The following ASXL3 variants were observed in gnomAD, a reference collection of about 807,000 sequenced individuals.
ASXL3 encodes the protein ASXL transcriptional regulator 3.
Under a neutral mutation model 170.6 loss-of-function variants are expected in ASXL3, and 34 were observed. The ratio of observed to expected loss-of-function variants is 0.20; its 90% CI spans 0.15 to 0.27. The LOEUF (loss-of-function observed/expected upper bound fraction) is 0.27. Among genes scored for constraint, ASXL3 ranks in the 10% least tolerant of loss-of-function variants. The pLI, the probability that ASXL3 is intolerant of heterozygous loss-of-function variation, is 1.00. For missense variants in ASXL3, 2,592 were observed against 2,695.3 expected, an observed-to-expected ratio of 0.96 and a Z score of 0.85; for synonymous variants, 1,002 against 989.1, an observed-to-expected ratio of 1.01 and a Z score of -0.24.
At chr18:33,683,754 C>A in intron 8 of ASXL3, 186 bp downstream of exon 8, 5 of 549,356 alleles carry the variant, frequency 9.1e-6, no homozygotes, top group African/African-American at 2.0e-5. Flanking sequence ...TAATAGTGAG[C>A]CAATTCAAAT....
chr18:33,591,551 A>G (rs894304776), intron 1 of ASXL3, among the ~76,000 whole-genome samples: 2 of 152,208 alleles, frequency 1.3e-5, no homozygotes, highest in Admixed American at 6.5e-5. Flanking sequence ...GTAACTAAAT[A>G]GGAATAGATG....
intron 8 of ASXL3, among the ~76,000 whole-genome samples, chr18:33,701,460 T>G (rs2066873007): frequency 1.3e-5 from 2 of 152,138 alleles, no homozygotes; most frequent in Admixed American, 6.6e-5. Flanking sequence ...GATCTTTAAC[T>G]TCTTTCAACA....
At chr18:33,646,751 C>T (rs991028715) in intron 4 of ASXL3, among the ~76,000 whole-genome samples, 2 of 151,006 alleles carry the variant, frequency 1.3e-5, no homozygotes, top group Admixed American at 6.6e-5. Flanking sequence ...CAGCTTTGTT[C>T]CTTGGTTTGT....
chr18:33,668,907 C>CAT (rs71266912), intron 5 of ASXL3, among the ~76,000 whole-genome samples: 1,869 of 151,800 alleles, frequency 0.012, 33 homozygotes, highest in African/African-American at 0.042. Flanking sequence ...CACACACACA[C>CAT]ACCACACACA....
At chr18:33,732,248 A>G (rs1190375567) in intron 9 of ASXL3, among the ~76,000 whole-genome samples, 184 bp downstream of exon 9, 2 of 152,196 alleles carry the variant, frequency 1.3e-5, no homozygotes, top group Non-Finnish European at 2.9e-5. Context: ...TTGATGTCAG[A>G]TATTTTTGAA....
chr18:33,628,286 G>A (rs2065629539), intron 2 of ASXL3, among the ~76,000 whole-genome samples: 2 of 151,962 alleles, frequency 1.3e-5, no homozygotes, highest in East Asian at 1.9e-4. Context: ...CAGTATTTCC[G>A]TCACTGTGGG....
At chr18:33,587,710 A>G (rs1013450284) in intron 1 of ASXL3, among the ~76,000 whole-genome samples, 1 of 152,096 alleles carries the variant, frequency 6.6e-6, no homozygotes, top group Non-Finnish European at 1.5e-5. Flanking sequence ...AAGATTGGGT[A>G]CAAAAATAAT....
intron 2 of ASXL3, chr18:33,614,693 G>A (rs981591449): frequency 5.3e-5 from 8 of 152,188 alleles, no homozygotes; most frequent in Non-Finnish European, 7.4e-5. Flanking sequence ...ATTATTCCTT[G>A]ATTTATGGAC....
intron 2 of ASXL3, among the ~76,000 whole-genome samples, chr18:33,639,985 T>C (rs2145190258): frequency 6.6e-6 from 1 of 152,304 alleles, no homozygotes; most frequent in Admixed American, 6.5e-5. Context: ...ACATATTGAA[T>C]ATCAAAAACC....
At chr18:33,678,645 T>G (rs560377774) in intron 7 of ASXL3, among the ~76,000 whole-genome samples, 1 of 152,302 alleles carries the variant, frequency 6.6e-6, no homozygotes, top group East Asian at 1.9e-4. Context: ...CTTTTCCCCT[T>G]TGCCCTACCT....
intron 2 of ASXL3, chr18:33,609,123 A>C (rs1003270761): frequency 2.2e-5 from 21 of 946,384 alleles, no homozygotes; most frequent in Non-Finnish European, 2.5e-5. Context: ...ATCCTATTTT[A>C]ACCCGGATGT....
At chr18:33,606,326 A>G (rs1282814443) in intron 1 of ASXL3, among the ~76,000 whole-genome samples, 1 of 151,764 alleles carries the variant, frequency 6.6e-6, no homozygotes, top group East Asian at 1.9e-4. Flanking sequence ...TATTCTTTTA[A>G]TAATTTATAA....
Position 33,740,435 on chromosome 18 carries a change from C to T in ASXL3, c.3031C>T (p.Pro1011Ser), listed in dbSNP as rs267605175. ...TCCCAGAGAGGAACCAAGGGTTCCC[C>T]CTCTCAAGGTATGGTATTAAATAAA... is the stretch of plus-strand genomic sequence containing the variant. ...QPPREEPRVPPLKIQLSKIGP... is the reference protein window; with the variant it reads ...QPPREEPRVPSLKIQLSKIGP... Residue 1011 changes from proline to serine, a missense_variant, in exon 11 of 12, where the codon CCT (proline) becomes TCT (serine). Pro to Ser is a moderately conservative substitution (Grantham distance 74). Around this residue, in one of 4 missense-constraint regions of ASXL3, gnomAD observed 2,246 missense variants for 2,219.6 expected, o/e 1.01. Coordinates refer to ENST00000269197, the MANE Select transcript of ASXL3 (RefSeq NM_030632.3). 6.4e-7 allele frequency: 1 copy of T among 1,566,488 alleles called. No homozygotes were observed.
At position 33,745,541 on chromosome 18, in the gene ASXL3, A is replaced by G; in HGVS notation, c.5693A>G (p.Lys1898Arg). Residue 1898 changes from lysine (K) to arginine (R), a missense_variant, in exon 12 of 12, where the codon AAG becomes AGG. Physicochemically the swap from Lys to Arg is conservative, Grantham distance 26 (BLOSUM62 2). This residue lies in a region of ASXL3 where 2,246 missense variants were observed against 2,219.6 expected (regional missense o/e 1.01). Transcript: ENST00000269197. Reference protein sequence around the residue: ...IVHSPEVKQQKRLLPSCSFQQ... With the variant: ...IVHSPEVKQQRRLLPSCSFQQ... ...CACAGCCCTGAGGTCAAACAGCAAAAGCGGCTGCTCCCCTCGTGTAGCTTC... is the reference window on the plus strand; with the variant it reads ...CACAGCCCTGAGGTCAAACAGCAAAGGCGGCTGCTCCCCTCGTGTAGCTTC... The G allele has an allele frequency of 6.2e-7, 1 of 1,613,964 alleles. No homozygotes were observed. The highest frequency in any genetic ancestry group is 8.5e-7 in the Non-Finnish European group (1 of 1,179,894).
At chr18:33,697,109 A>G (rs937286359) in intron 8 of ASXL3, among the ~76,000 whole-genome samples, 9 of 152,172 alleles carry the variant, frequency 5.9e-5, no homozygotes, top group Non-Finnish European at 1.2e-4. Flanking sequence ...CTAGGCATAG[A>G]AAAGATTTGG....
chr18:33,623,217 A>G (rs2065544273), intron 2 of ASXL3, among the ~76,000 whole-genome samples: 1 of 152,100 alleles, frequency 6.6e-6, no homozygotes, highest in Non-Finnish European at 1.5e-5. Flanking sequence ...TTTTAACGTA[A>G]TATGTGTGTT....
chr18:33,713,237 TGTTTTGTTTTG>T (rs368397145), intron 8 of ASXL3, among the ~76,000 whole-genome samples: 1,184 of 87,214 alleles, frequency 0.014, 109 homozygotes, highest in African/African-American at 0.029. Context: ...AGGTTTTTTT[TGTTTTGTTTTG>T]TTTTTTTTTT....
At position 33,660,189 on chromosome 18, in the gene ASXL3, A is replaced by G. The variant is rs79656922; in HGVS notation, c.356-1427A>G. On this transcript the variant is annotated intron_variant, in intron 4 of 11. Coordinates refer to ENST00000269197, the MANE Select transcript of ASXL3 (RefSeq NM_030632.3). The stretch of plus-strand genomic sequence containing the variant: ...TGAGCTCTAGTTTTCTTCCTCCATT[A>G]TAGAAATATATACCTTATTGTGTTA... 5.2e-4 allele frequency among the ~76,000 whole-genome samples: 79 copies of G among 152,226 alleles called. 1 individual carries two copies. In the East Asian group the frequency reaches 0.015, roughly 29 times the overall value.
intron 8 of ASXL3, among the ~76,000 whole-genome samples, chr18:33,717,101 G>C (rs748972819): frequency 6.6e-6 from 1 of 152,072 alleles, no homozygotes; most frequent in Non-Finnish European, 1.5e-5. Flanking sequence ...CTTTGGCTCC[G>C]ACACTGATCT....
Sources: allele counts gnomAD v4.1 joint callset (sites outside exome capture counted in the v4.1 genomes callset), GRCh38; gene constraint gnomAD v4.1.1; regional missense constraint gnomAD v4.1.1; transcripts MANE v1.5; gene names NCBI Gene and HGNC (gene_info 2026-07-23, HGNC 2026-07-21).